The following STXBP6 variants were observed in gnomAD, a reference collection of about 807,000 sequenced individuals.
STXBP6 encodes syntaxin binding protein 6.
Under a neutral mutation model 26.9 loss-of-function variants are expected in STXBP6, and 21 were observed. The observed-to-expected ratio is 0.78, with a 90% CI of 0.55 to 1.12. STXBP6 has a LOEUF of 1.12. Ranked by LOEUF, STXBP6 falls within the 50% of genes most tolerant of loss-of-function variation. STXBP6 has a pLI of 0.00. For synonymous variants in STXBP6, 97 were observed against 92.6 expected (o/e 1.05, Z -0.27); for missense variants, 232 against 257.9 (o/e 0.90, Z 0.69).
At chr14:25,005,311 A>G (rs1352036875) in intron 1 of STXBP6, among the ~76,000 whole-genome samples, 1 of 152,220 alleles carries the variant, frequency 6.6e-6, no homozygotes, top group African/African-American at 2.4e-5. Flanking sequence ...AACAATTATG[A>G]GCAGACAAAC....
At chr14:25,027,312 T>C (rs2075367064) in intron 1 of STXBP6, among the ~76,000 whole-genome samples, 1 of 150,674 alleles carries the variant, frequency 6.6e-6, no homozygotes, top group Non-Finnish European at 1.5e-5. Flanking sequence ...TTGATAATTT[T>C]GCAATATTTA....
chr14:25,023,067 A>T (rs1349201918), intron 1 of STXBP6, among the ~76,000 whole-genome samples: 1 of 152,238 alleles, frequency 6.6e-6, no homozygotes, highest in Admixed American at 6.5e-5. Context: ...AAAATCTTCA[A>T]CAAGGACACT....
At chr14:24,938,762 G>T (rs1194425697) in intron 2 of STXBP6, among the ~76,000 whole-genome samples, 1 of 152,162 alleles carries the variant, frequency 6.6e-6, no homozygotes, top group Admixed American at 6.5e-5. Context: ...ATAACGATCT[G>T]CTCCCCTAAG....
At chr14:24,974,504 A>G (rs2073990468) in intron 2 of STXBP6, among the ~76,000 whole-genome samples, 161 bp downstream of exon 2, 1 of 152,224 alleles carries the variant, frequency 6.6e-6, no homozygotes, top group African/African-American at 2.4e-5. Flanking sequence ...CCTCAAAAAC[A>G]AGGTGTCACC....
At chr14:24,908,327 C>T (rs2071453724) in intron 2 of STXBP6, among the ~76,000 whole-genome samples, 1 of 152,156 alleles carries the variant, frequency 6.6e-6, no homozygotes, top group South Asian at 2.1e-4. Context: ...CCCAAGACAC[C>T]ATCACATTGC....
chr14:24,974,893 T>C, intron 1 of STXBP6, 43 bp from the exon 2 acceptor site: 1 of 1,342,194 alleles, frequency 7.5e-7, no homozygotes, highest in Non-Finnish European at 1.0e-6. Flanking sequence ...ATTGACAACA[T>C]TGTAAGGGTT....
intron 2 of STXBP6, among the ~76,000 whole-genome samples, chr14:24,946,150 G>C (rs186318514): frequency 2.8e-4 from 43 of 152,276 alleles, no homozygotes; most frequent in Non-Finnish European, 5.3e-4. Context: ...AAATGTATGA[G>C]AGAAACAAAT....
chr14:24,980,922 C>G (rs1160390190), intron 1 of STXBP6, among the ~76,000 whole-genome samples: 1 of 152,156 alleles, frequency 6.6e-6, no homozygotes, highest in African/African-American at 2.4e-5. Context: ...CCTGGGTGCC[C>G]AGGTCCTGCT....
intron 1 of STXBP6, among the ~76,000 whole-genome samples, chr14:24,984,329 T>G (rs2074278614): frequency 6.6e-6 from 1 of 152,224 alleles, no homozygotes; most frequent in African/African-American, 2.4e-5. Flanking sequence ...CTTTACAATT[T>G]CTTGGAAGAG....
chr14:24,871,261 G>A (rs2069924119), intron 2 of STXBP6, among the ~76,000 whole-genome samples: 1 of 152,124 alleles, frequency 6.6e-6, no homozygotes, highest in Non-Finnish European at 1.5e-5. Flanking sequence ...CCCAATCAAA[G>A]TAGAGCTAGG....
At chr14:24,839,981 C>A (rs904379268) in intron 4 of STXBP6, among the ~76,000 whole-genome samples, 1 of 152,122 alleles carries the variant, frequency 6.6e-6, no homozygotes, top group Non-Finnish European at 1.5e-5. Context: ...TTTACTGACT[C>A]CTTATCATGT....
At chr14:24,996,093 A>G (rs1018758827) in intron 1 of STXBP6, among the ~76,000 whole-genome samples, 2 of 152,206 alleles carry the variant, frequency 1.3e-5, no homozygotes, top group Non-Finnish European at 2.9e-5. Flanking sequence ...AGTTGAAATA[A>G]TAAAAGAAAT....
At chr14:25,033,735 C>T (rs1225839026) in intron 1 of STXBP6, among the ~76,000 whole-genome samples, 3 of 152,314 alleles carry the variant, frequency 2.0e-5, no homozygotes, top group Non-Finnish European at 4.4e-5. Flanking sequence ...CCCCCTGGAG[C>T]ACTTACAACA....
intron 1 of STXBP6, among the ~76,000 whole-genome samples, chr14:25,035,314 C>G (rs1566577545): frequency 6.6e-6 from 1 of 152,192 alleles, no homozygotes; most frequent in African/African-American, 2.4e-5. Flanking sequence ...TAATCATTAG[C>G]TACACCCACT....
chr14:24,971,887 T>C (rs1361710750), intron 2 of STXBP6, among the ~76,000 whole-genome samples: 1 of 152,234 alleles, frequency 6.6e-6, no homozygotes, highest in Non-Finnish European at 1.5e-5. Context: ...ATTCTTTTCA[T>C]AGCGGTACCC....
intron 2 of STXBP6, among the ~76,000 whole-genome samples, chr14:24,960,391 C>T (rs1035846570): frequency 1.3e-5 from 2 of 152,250 alleles, no homozygotes; most frequent in South Asian, 2.1e-4. Flanking sequence ...AAATTTATGA[C>T]TGTTAACCCC....
At position 24,972,867 on chromosome 14, in the gene STXBP6, A is replaced by G. The variant is rs1323594403; in HGVS notation, c.154+1798T>C. 2.6e-5 allele frequency among the ~76,000 whole-genome samples: 4 copies of G among 152,092 alleles called. No homozygotes were observed. The East Asian group carries it at 7.7e-4, about 29-fold the overall frequency. ...AATGGTGGTTTATCCCTGTAATCCC[A>G]GCACTTTGGGAGACCTAAGTAGGAG... On this transcript the variant is annotated intron_variant, in intron 2 of 5. Coordinates refer to ENST00000323944, the MANE Select transcript of STXBP6 (RefSeq NM_001394410.1).
rs538118742 is a variant in STXBP6, at chr14:24,811,799, C to T, written c.*910G>A. ...CATGACTGTAAAAAGACAAGACAAA[C>T]ATTTTAAATGTACTACTTGTTCACA... On this transcript the variant is annotated 3_prime_UTR_variant, in exon 6 of 6. Coordinates refer to ENST00000323944, the MANE Select transcript of STXBP6 (RefSeq NM_001394410.1). 4.6e-5 allele frequency: 7 copies of T among 152,280 alleles called. No individual in the cohort carries two copies. Among genetic ancestry groups the T allele is most frequent in the East Asian group, 1.9e-4 (1 of 5,184 alleles). The allele number at this position is 152,280 out of a possible 1,614,324, so 9.4% of individuals were successfully genotyped here.
intron 1 of STXBP6, among the ~76,000 whole-genome samples, chr14:25,003,019 G>A (rs1295077770): frequency 2.6e-5 from 4 of 152,162 alleles, no homozygotes; most frequent in South Asian, 2.1e-4. Context: ...GAGCCACCGC[G>A]GCCGGCCTAA....
Sources: gnomAD v4.1 joint callset for allele counts (sites outside exome capture counted in the v4.1 genomes callset) on GRCh38, gnomAD v4.1.1 for gene constraint, MANE v1.5 for transcripts, NCBI Gene and HGNC (gene_info 2026-07-23, HGNC 2026-07-21) for gene names.